Variants in LUZP2 observed in about 807,000 individuals in gnomAD.
The protein encoded by LUZP2 is leucine zipper protein 2.
In LUZP2, 52 loss-of-function variants were observed where a neutral mutation model predicts 51.6. The observed-to-expected ratio is 1.01, with a 90% CI of 0.81 to 1.27. The LOEUF (loss-of-function observed/expected upper bound fraction) is 1.27, where lower values mean the gene tolerates loss of function less well. Among genes scored for constraint, LUZP2 ranks in the 50% most tolerant of loss-of-function variants. The pLI is 0.00. For synonymous variants in LUZP2, 154 were observed against 137.3 expected, an observed-to-expected ratio of 1.12 and a Z score of -0.85; for missense variants, 436 against 395.4, an observed-to-expected ratio of 1.10 and a Z score of -0.87.
chr11:24,822,597 A>C (rs1035389409), intron 5 of LUZP2, among the ~76,000 whole-genome samples: 5 of 152,138 alleles, frequency 3.3e-5, no homozygotes, highest in African/African-American at 1.2e-4. Flanking sequence ...AATTGCAGGA[A>C]TCCAGTGCTC....
At position 24,742,075 on chromosome 11, in the gene LUZP2, A is replaced by ATATATATATC. The variant is rs1325427290; in HGVS notation, c.333+3774_333+3775insATATATATCT. Among the ~76,000 whole-genome samples the ATATATATATC allele has an allele frequency of 3.6e-4, 50 of 140,626 alleles. 1 individual carries two copies. Among genetic ancestry groups the ATATATATATC allele is most frequent in the African/African-American group, 1.3e-3 (48 of 36,016 alleles). The allele number at this position is 140,626 out of a possible 152,430, so 92.3% of individuals were successfully genotyped here. Reference sequence around the variant, plus strand: ...AATATAATTATATATATATATATATATCACCATTTCTTTATCCACTTGTTG... The same window carrying ATATATATATC: ...AATATAATTATATATATATATATATATATATATATCTCACCATTTCTTTATCCACTTGTTG... On this transcript the variant is annotated intron_variant, in intron 4 of 11. Coordinates refer to ENST00000336930, the MANE Select transcript of LUZP2 (RefSeq NM_001009909.4).
chr11:24,823,907 C>CA (rs1850438825), intron 5 of LUZP2, among the ~76,000 whole-genome samples: 1 of 151,684 alleles, frequency 6.6e-6, no homozygotes, highest in Non-Finnish European at 1.5e-5. Flanking sequence ...ACTAAAAATA[C>CA]AAAAAATTAG....
intron 4 of LUZP2, among the ~76,000 whole-genome samples, chr11:24,743,622 A>T (rs565485573): frequency 6.6e-6 from 1 of 152,066 alleles, no homozygotes; most frequent in East Asian, 1.9e-4. Flanking sequence ...GTAAATGATA[A>T]TATCATCAGC....
intron 5 of LUZP2, among the ~76,000 whole-genome samples, chr11:24,894,175 A>ATT (rs35929813): frequency 0.013 from 1,708 of 134,848 alleles, 34 homozygotes; most frequent in African/African-American, 0.026. Context: ...AAAGTAATTC[A>ATT]TTTTTTTTTT....
At chr11:24,520,361 A>T (rs1418064932) in intron 1 of LUZP2, among the ~76,000 whole-genome samples, 2 of 152,198 alleles carry the variant, frequency 1.3e-5, no homozygotes, top group African/African-American at 4.8e-5. Context: ...ACTGCAATAA[A>T]TACTTATGTC....
At chr11:24,776,554 T>C (rs1464454115) in intron 5 of LUZP2, among the ~76,000 whole-genome samples, 1 of 152,170 alleles carries the variant, frequency 6.6e-6, no homozygotes. Context: ...TCGATCATTT[T>C]CTTAATATCC....
At chr11:24,953,096 T>C (rs10742058) in intron 7 of LUZP2, among the ~76,000 whole-genome samples, 75,864 of 151,730 alleles carry the variant, frequency 0.5, 19,357 homozygotes, top group Non-Finnish European at 0.52. Context: ...AAAATAAATT[T>C]AAGAAAAAAT....
intron 1 of LUZP2, among the ~76,000 whole-genome samples, chr11:24,710,108 T>C (rs1310285001): frequency 6.6e-6 from 1 of 152,142 alleles, no homozygotes; most frequent in Non-Finnish European, 1.5e-5. Flanking sequence ...TAATAAGTGC[T>C]TGTCAGTGTC....
At chr11:24,531,063 A>ATTATTATTATTATTATTATTC in intron 1 of LUZP2, among the ~76,000 whole-genome samples, 1 of 145,500 alleles carries the variant, frequency 6.9e-6, no homozygotes, top group African/African-American at 2.6e-5. Context: ...TATTATTATT[A>ATTATTATTATTATTATTATTC]TTTTGCCAGT....
chr11:25,024,808 A>G (rs1459136239), intron 9 of LUZP2, among the ~76,000 whole-genome samples: 1 of 148,544 alleles, frequency 6.7e-6, no homozygotes, highest in East Asian at 2.0e-4. Flanking sequence ...TAAAGTTCAT[A>G]TGGAACCAAA....
intron 1 of LUZP2, among the ~76,000 whole-genome samples, chr11:24,586,279 T>G (rs1182388064): frequency 6.6e-6 from 1 of 152,126 alleles, no homozygotes; most frequent in Non-Finnish European, 1.5e-5. Context: ...CATTACCCCA[T>G]CTCTCTCACC....
At chr11:24,989,871 T>G (rs1416819756) in intron 9 of LUZP2, among the ~76,000 whole-genome samples, 1 of 152,142 alleles carries the variant, frequency 6.6e-6, no homozygotes, top group Non-Finnish European at 1.5e-5. Context: ...AAAATCAGGT[T>G]GTTTTTTTTC....
chr11:24,723,931 A>G lies in LUZP2; in HGVS notation c.63-5238A>G, dbSNP rs565884714. 2.0e-5 allele frequency among the ~76,000 whole-genome samples: 3 copies of G among 152,352 alleles called. No individual in the cohort carries two copies. The South Asian group carries it at 6.2e-4, about 32-fold the overall frequency. On this transcript the variant is annotated intron_variant, in intron 1 of 11. Coordinates refer to ENST00000336930, the MANE Select transcript of LUZP2 (RefSeq NM_001009909.4). ...AACTTGATATCATATTAAATGAATC[A>G]AGCAAAAGACATTTGATGTATATGA...
chr11:24,603,739 A>G (rs1853820777), intron 1 of LUZP2, among the ~76,000 whole-genome samples: 1 of 150,982 alleles, frequency 6.6e-6, no homozygotes, highest in Admixed American at 6.6e-5. Context: ...GAACATGTGG[A>G]TAAGTATTGC....
intron 6 of LUZP2, among the ~76,000 whole-genome samples, chr11:24,911,435 G>A (rs1040369862): frequency 4.6e-5 from 7 of 152,156 alleles, no homozygotes; most frequent in African/African-American, 1.7e-4. Context: ...GTCCTGGTGG[G>A]AGGTAATTGA....
intron 5 of LUZP2, among the ~76,000 whole-genome samples, chr11:24,859,582 C>A (rs921484737): frequency 6.7e-6 from 1 of 149,034 alleles, no homozygotes; most frequent in African/African-American, 2.5e-5. Flanking sequence ...AAGCATGGTG[C>A]TCGGAGGCTT....
At chr11:24,898,851 G>C (rs968916019) in intron 5 of LUZP2, among the ~76,000 whole-genome samples, 5 of 151,996 alleles carry the variant, frequency 3.3e-5, no homozygotes, top group Non-Finnish European at 5.9e-5. Context: ...GCAAATGAAG[G>C]CAGAATAGTA....
intron 7 of LUZP2, among the ~76,000 whole-genome samples, chr11:24,917,054 T>C (rs941115212): frequency 6.6e-6 from 1 of 152,290 alleles, no homozygotes; most frequent in Non-Finnish European, 1.5e-5. Context: ...TATCTCATTG[T>C]GGTTTTGATT....
In LUZP2 at chr11:24,942,170, G is replaced by C. The variant is rs557438768; in HGVS notation, c.522+27632G>C. ...GGACTATTATAAATACTGCTGCTAT[G>C]AGGTCTCACACAGAGATCTTTGTAT... On this transcript the variant is annotated intron_variant, in intron 7 of 11. Coordinates refer to ENST00000336930, the MANE Select transcript of LUZP2 (RefSeq NM_001009909.4). Among the ~76,000 whole-genome samples, 12 of 152,196 alleles carry C rather than the reference G, an allele frequency of 7.9e-5. No homozygotes were observed. The East Asian group carries it at 2.3e-3, about 29-fold the overall frequency.
Sources: gnomAD v4.1 joint callset for allele counts (sites outside exome capture counted in the v4.1 genomes callset) on GRCh38, gnomAD v4.1.1 for gene constraint, MANE v1.5 for transcripts, NCBI Gene and HGNC (gene_info 2026-07-23, HGNC 2026-07-21) for gene names.